CLCN7: variants seen among roughly 807,000 people sequenced by gnomAD.
The protein encoded by CLCN7 is Cl-/H+ antiporter 7.
CLCN7 carries 60 observed loss-of-function variants against 102.1 expected under a neutral mutation model. That is an observed-to-expected ratio of 0.59 (90% CI 0.48 to 0.73). The LOEUF (loss-of-function observed/expected upper bound fraction) is 0.73. CLCN7 is among the 30% of genes least tolerant of loss of function. The probability of loss-of-function intolerance (pLI) is 0.00; values close to 1 mark genes in which losing one functional copy is unlikely to be tolerated. For synonymous variants in CLCN7, 560 were observed against 490.5 expected (o/e 1.14, Z -1.87); for missense variants, 962 against 1,125.7 (o/e 0.85, Z 2.08).
chr16:1,454,325 A>G (rs1167375450), intron 13 of CLCN7, 86 bp downstream of exon 13: 61 of 1,404,904 alleles, frequency 4.3e-5, no homozygotes, highest in Non-Finnish European at 2.1e-5. Flanking sequence ...CCAGGGAGCC[A>G]CAGCCTCCAG....
chr16:1,466,364 G>A (rs1009149376), intron 1 of CLCN7, among the ~76,000 whole-genome samples: 2 of 152,222 alleles, frequency 1.3e-5, no homozygotes, highest in Non-Finnish European at 2.9e-5. Flanking sequence ...AGCAGGGCCT[G>A]GAAGTGCTTC....
At chr16:1,465,669 G>A (rs1175870159) in intron 1 of CLCN7, among the ~76,000 whole-genome samples, 1 of 152,106 alleles carries the variant, frequency 6.6e-6, no homozygotes, top group Non-Finnish European at 1.5e-5. Flanking sequence ...CCAATGCAGT[G>A]CCCGCCACAG....
chr16:1,468,672 C>G (rs1001260889), intron 1 of CLCN7, among the ~76,000 whole-genome samples: 1 of 152,100 alleles, frequency 6.6e-6, no homozygotes, highest in Middle Eastern at 3.4e-3. Context: ...GGACGGGAGG[C>G]GAGGTCATCA....
intron 11 of CLCN7, 122 bp from the exon 12 acceptor site, chr16:1,455,372 C>T: frequency 1.3e-6 from 1 of 790,140 alleles, no homozygotes; most frequent in South Asian, 1.4e-5. Flanking sequence ...AGACCCCGCC[C>T]AAGGCAGAAG....
intron 23 of CLCN7, 132 bp downstream of exon 23, chr16:1,447,260 C>T (rs1326730119): frequency 1.7e-6 from 2 of 1,191,430 alleles, no homozygotes; most frequent in East Asian, 2.6e-5. Context: ...CCTGCCAGGC[C>T]CTTCACAGGA....
In CLCN7 at chr16:1,474,770, G is replaced by A. The variant is rs1008661078; in HGVS notation, c.141+64C>T. 6 of 1,210,310 alleles carry A rather than the reference G, an allele frequency of 5.0e-6. No homozygotes were observed. In the African/African-American group the frequency reaches 8.5e-5, roughly 17 times the overall value. The allele number at this position is 1,210,310 out of a possible 1,614,324, so 75.0% of individuals were successfully genotyped here. A position where few individuals can be genotyped will look rare whatever the true frequency, so the allele number is the denominator to read the frequency against. The stretch of plus-strand genomic sequence containing the variant: ...CACGCGGCGCCGCCAGAAGGCTCAC[G>A]AGGGCGCGGGCTGCGGGGCGCACGA... On this transcript the variant is annotated intron_variant, in intron 1 of 24. Coordinates refer to ENST00000382745, the MANE Select transcript of CLCN7 (RefSeq NM_001287.6).
chr16:1,448,489 C>T lies in CLCN7; in HGVS notation c.1884-5G>A, dbSNP rs767234484. 2.1e-5 allele frequency: 34 copies of T among 1,608,004 alleles called. No homozygotes were observed. Among genetic ancestry groups the T allele is most frequent in the East Asian group, 4.5e-5 (2 of 44,890 alleles). On this transcript the variant is annotated splice_region_variant and splice_polypyrimidine_tract_variant and intron_variant, in intron 20 of 24. Transcript: ENST00000382745. ...ACTGGTGTGCTCATCACCTCCCTGC[C>T]GGAGGAGCCCGGCCACACATGCCCG...
Position 1,446,002 on chromosome 16 carries a change from C to T in CLCN7, c.*629G>A. ...CCGTGAGTCACCCCAGTCCTCTGGGCCTGTGTACCCAAGCCGGATGCAGGC... is the reference window on the plus strand; with the variant it reads ...CCGTGAGTCACCCCAGTCCTCTGGGTCTGTGTACCCAAGCCGGATGCAGGC... On this transcript the variant is annotated 3_prime_UTR_variant, in exon 25 of 25. Transcript: ENST00000382745. The T allele has an allele frequency of 1.9e-6, 1 of 515,600 alleles. No individual in the cohort carries two copies. The allele number at this position is 515,600 out of a possible 1,614,324, so 31.9% of individuals were successfully genotyped here. A position where few individuals can be genotyped will look rare whatever the true frequency, so the allele number is the denominator to read the frequency against.
chr16:1,464,551 G>A (rs1054297939), intron 2 of CLCN7, among the ~76,000 whole-genome samples: 1 of 152,270 alleles, frequency 6.6e-6, no homozygotes, highest in African/African-American at 2.4e-5. Context: ...CCGGCCTCGG[G>A]AGCGACTGCG....
At chr16:1,449,382 A>C in intron 17 of CLCN7, 55 bp from the exon 18 acceptor site, 1 of 1,527,226 alleles carries the variant, frequency 6.5e-7, no homozygotes, top group African/African-American at 1.4e-5. Flanking sequence ...CAAACCCACC[A>C]AGATACACAG....
intron 17 of CLCN7, chr16:1,450,278 C>T (rs1488006753): frequency 1.8e-6 from 1 of 556,452 alleles, no homozygotes; most frequent in African/African-American, 1.9e-5. Flanking sequence ...TTCGCCTGGT[C>T]CAGACTCCAC....
chr16:1,448,668 C>T lies in CLCN7; in HGVS notation c.1883+13G>A. Reference sequence around the variant, plus strand: ...GACACCCTCCCCACCCACAGGTGTCCTGGGCGCTGTACCTGGCAGTGAGTG... The same window carrying T: ...GACACCCTCCCCACCCACAGGTGTCTTGGGCGCTGTACCTGGCAGTGAGTG... On this transcript the variant is annotated intron_variant, in intron 20 of 24. Coordinates refer to ENST00000382745, the MANE Select transcript of CLCN7 (RefSeq NM_001287.6). 1 of 1,612,480 alleles carries T rather than the reference C, an allele frequency of 6.2e-7. No homozygotes were observed. The highest frequency in any genetic ancestry group is 8.5e-7 in the Non-Finnish European group (1 of 1,179,924).
At chr16:1,455,577 G>T (rs1290663985) in intron 11 of CLCN7, 154 bp downstream of exon 11, 3 of 842,908 alleles carry the variant, frequency 3.6e-6, no homozygotes, top group Non-Finnish European at 5.9e-6. Flanking sequence ...GCAAAGGCAG[G>T]ACCGCTGCTT....
At position 1,457,819 on chromosome 16, in the gene CLCN7, C is replaced by T. The variant is rs370320502; in HGVS notation, c.676-63G>A. 9,076 of 1,505,590 alleles carry T rather than the reference C, an allele frequency of 6.0e-3. 251 individuals are homozygous for T. The highest frequency in any genetic ancestry group is 0.06 in the South Asian group (5,314 of 88,920). 93.3% of individuals were successfully genotyped at this position (1,505,590 alleles called of 1,614,324 possible). A position where few individuals can be genotyped will look rare whatever the true frequency, so the allele number is the denominator to read the frequency against. ...GCAGGCGCTGTCTTTGGACCTGAGCCGTAAAACAGCACACACAGCCCCGAT... is the reference window on the plus strand; with the variant it reads ...GCAGGCGCTGTCTTTGGACCTGAGCTGTAAAACAGCACACACAGCCCCGAT... On this transcript the variant is annotated intron_variant, in intron 7 of 24. Transcript: ENST00000382745. The surrounding 1 kb of genome is among the most constrained non-coding windows in gnomAD (Gnocchi z 5.4).
intron 12 of CLCN7, 43 bp from the exon 13 acceptor site, chr16:1,454,508 G>C (rs748396346): frequency 6.4e-7 from 1 of 1,565,476 alleles, no homozygotes; most frequent in Non-Finnish European, 8.8e-7. Context: ...GAGGGAAAAG[G>C]CCCACAGCTC....
intron 17 of CLCN7, 106 bp from the exon 18 acceptor site, chr16:1,449,433 G>A (rs1035807183): frequency 9.6e-7 from 1 of 1,044,564 alleles, no homozygotes; most frequent in African/African-American, 1.6e-5. Flanking sequence ...CCCACAGCCA[G>A]GAACAAACCT....
chr16:1,450,029 T>G (rs2038719509), intron 17 of CLCN7: 1 of 178,552 alleles, frequency 5.6e-6, no homozygotes, highest in Non-Finnish European at 1.2e-5. Flanking sequence ...GCGACTGAAA[T>G]GAGAAACAGA....
chr16:1,472,871 C>T (rs2745113), intron 1 of CLCN7, among the ~76,000 whole-genome samples: 64,327 of 148,608 alleles, frequency 0.43, 14,456 homozygotes, highest in African/African-American at 0.57. Flanking sequence ...CATGCGACTC[C>T]TCTGCCTCAG....
chr16:1,455,361 C>CA (rs1409502938), intron 11 of CLCN7, 111 bp from the exon 12 acceptor site: 1 of 811,464 alleles, frequency 1.2e-6, no homozygotes, highest in Non-Finnish European at 2.2e-6. Flanking sequence ...CAGGAGTCTG[C>CA]AGACCCCGCC....
Sources: allele counts gnomAD v4.1 joint callset (sites outside exome capture counted in the v4.1 genomes callset), GRCh38; gene constraint gnomAD v4.1.1; non-coding constraint Gnocchi (gnomAD v3.1); transcripts MANE v1.5; gene names NCBI Gene and HGNC (gene_info 2026-07-23, HGNC 2026-07-21).